ADAMTSL1: variants seen among roughly 807,000 people sequenced by gnomAD.
The protein encoded by ADAMTSL1 is ADAMTS-like protein 1.
Under a neutral mutation model 201.8 loss-of-function variants are expected in ADAMTSL1, and 126 were observed. The ratio of observed to expected loss-of-function variants is 0.62; its 90% CI spans 0.54 to 0.72. The LOEUF (loss-of-function observed/expected upper bound fraction) is 0.72, where lower values mean the gene tolerates loss of function less well. Among genes scored for constraint, ADAMTSL1 ranks in the 30% least tolerant of loss-of-function variants. ADAMTSL1 has a pLI of 0.00. For missense variants in ADAMTSL1, 2,679 were observed against 2,277.8 expected (o/e 1.18, Z -3.59); for synonymous variants, 1,121 against 903.4 (o/e 1.24, Z -4.32).
In ADAMTSL1 at chr9:18,706,910, G is replaced by T; in HGVS notation, c.1738G>T (p.Ala580Ser). ...PKPASQRACY[A>S]GPCSGEIPEF... ...GCCAGCATCCCAGCGTGCCTGTTAT[G>T]CAGGCCCATGCAGCGGGGAAATTCC... Residue 580 changes from alanine to serine, a missense_variant, in exon 14 of 29, where the codon GCA becomes TCA. Transcript: ENST00000380548. 2 of 1,613,994 alleles carry T rather than the reference G, an allele frequency of 1.2e-6. No individual in the cohort carries two copies. Among genetic ancestry groups the T allele is most frequent in the Admixed American group, 1.7e-5 (1 of 60,024 alleles).
At chr9:18,356,688 A>T (rs1477070538) in intron 2 of ADAMTSL1, among the ~76,000 whole-genome samples, 1 of 152,038 alleles carries the variant, frequency 6.6e-6, no homozygotes, top group Non-Finnish European at 1.5e-5. Context: ...AAAATGAATC[A>T]ATAAAATTGA....
intron 2 of ADAMTSL1, among the ~76,000 whole-genome samples, chr9:18,365,269 T>A (rs1231752858): frequency 6.6e-6 from 1 of 152,182 alleles, no homozygotes; most frequent in Non-Finnish European, 1.5e-5. Flanking sequence ...CTTATCGACA[T>A]CATCAAAAAC....
At chr9:18,667,760 C>T (rs1829544574) in intron 9 of ADAMTSL1, among the ~76,000 whole-genome samples, 1 of 151,994 alleles carries the variant, frequency 6.6e-6, no homozygotes, top group Admixed American at 6.6e-5. Context: ...GCTTTCTCAT[C>T]CATGAAAGGA....
At position 18,082,818 on chromosome 9, in the gene ADAMTSL1, A is replaced by G. The variant is rs76106575; in HGVS notation, c.88-81044A>G. ...AAGAAGTAGAGAGTTTAAGGGACTA[A>G]GAAAAAATGCCTGGCCTCCAGTACC... On this transcript the variant is annotated intron_variant, in intron 1 of 29. Transcript: ENST00000680146. Among the ~76,000 whole-genome samples, 1,340 of 152,340 alleles carry G rather than the reference A, an allele frequency of 8.8e-3. 28 individuals are homozygous for G. The highest frequency in any genetic ancestry group is 0.03 in the African/African-American group (1,262 of 41,572).
At chr9:18,362,183 G>C (rs929788713) in intron 2 of ADAMTSL1, 2 of 152,198 alleles carry the variant, frequency 1.3e-5, no homozygotes, top group African/African-American at 2.4e-5. Context: ...ACTGGAACAG[G>C]TGAGTTAAGA....
intron 2 of ADAMTSL1, among the ~76,000 whole-genome samples, chr9:18,226,567 G>C (rs536517675): frequency 6.6e-6 from 1 of 152,026 alleles, no homozygotes; most frequent in African/African-American, 2.4e-5. Context: ...AGATATTTCA[G>C]TTTCATTCTT....
At chr9:17,991,182 C>T (rs543652191) in intron 1 of ADAMTSL1, among the ~76,000 whole-genome samples, 1 of 152,068 alleles carries the variant, frequency 6.6e-6, no homozygotes, top group Non-Finnish European at 1.5e-5. Context: ...ATTTTGACCT[C>T]TACTTAAAAT....
intron 1 of ADAMTSL1, among the ~76,000 whole-genome samples, chr9:17,957,082 C>T (rs1054905700): frequency 6.6e-6 from 1 of 151,988 alleles, no homozygotes; most frequent in African/African-American, 2.4e-5. Context: ...GAATTAGAAA[C>T]GCTCCGGTAT....
chr9:18,025,685 T>A (rs1195916097), intron 1 of ADAMTSL1, among the ~76,000 whole-genome samples: 1 of 152,280 alleles, frequency 6.6e-6, no homozygotes, highest in South Asian at 2.1e-4. Flanking sequence ...TCATGTAATG[T>A]GATGCCTCTA....
At chr9:18,437,204 C>T (rs1369141654) in intron 2 of ADAMTSL1, among the ~76,000 whole-genome samples, 1 of 152,094 alleles carries the variant, frequency 6.6e-6, no homozygotes, top group Non-Finnish European at 1.5e-5. Context: ...ATCTTCATTT[C>T]CCAACTTCCT....
At chr9:18,566,945 G>C (rs967733932) in intron 3 of ADAMTSL1, among the ~76,000 whole-genome samples, 1 of 152,150 alleles carries the variant, frequency 6.6e-6, no homozygotes, top group Non-Finnish European at 1.5e-5. Context: ...TGATGGATTG[G>C]ATATGGAAGT....
At chr9:18,418,899 C>T (rs903075967) in intron 2 of ADAMTSL1, among the ~76,000 whole-genome samples, 3 of 152,122 alleles carry the variant, frequency 2.0e-5, no homozygotes, top group East Asian at 3.9e-4. Context: ...TTGGAAAAGA[C>T]ATAAAGTTGG....
intron 8 of ADAMTSL1, among the ~76,000 whole-genome samples, chr9:18,661,437 C>A (rs1829086730): frequency 6.6e-6 from 1 of 152,174 alleles, no homozygotes; most frequent in African/African-American, 2.4e-5. Context: ...TGTTCCCAGG[C>A]ATCTGGTGGA....
chr9:18,429,487 G>T (rs940043857), intron 2 of ADAMTSL1, among the ~76,000 whole-genome samples: 4 of 152,194 alleles, frequency 2.6e-5, no homozygotes, highest in African/African-American at 9.6e-5. Context: ...ATAAGTGACG[G>T]TTTCTAAACC....
chr9:18,117,889 C>A (rs926669764), intron 1 of ADAMTSL1, among the ~76,000 whole-genome samples: 2 of 152,132 alleles, frequency 1.3e-5, no homozygotes, highest in Non-Finnish European at 2.9e-5. Context: ...TCTTGGCTAG[C>A]CACATGAGGG....
chr9:18,373,937 T>A (rs1395895124), intron 2 of ADAMTSL1, among the ~76,000 whole-genome samples: 3 of 152,174 alleles, frequency 2.0e-5, no homozygotes, highest in African/African-American at 7.2e-5. Flanking sequence ...CTGAAAGGGA[T>A]GATAGTAGCC....
At chr9:18,150,215 G>C (rs1173338912) in intron 1 of ADAMTSL1, among the ~76,000 whole-genome samples, 5 of 152,074 alleles carry the variant, frequency 3.3e-5, no homozygotes, top group Admixed American at 3.3e-4. Flanking sequence ...GGTAGAATAA[G>C]ATAGTAGTGG....
chr9:18,547,891 A>T (rs552482498), intron 3 of ADAMTSL1, among the ~76,000 whole-genome samples: 3 of 152,076 alleles, frequency 2.0e-5, no homozygotes, highest in Admixed American at 2.0e-4. Flanking sequence ...AACCATTGGA[A>T]CAGACAAAGA....
At chr9:18,848,592 T>C (rs1033121679) in intron 23 of ADAMTSL1, among the ~76,000 whole-genome samples, 1 of 152,096 alleles carries the variant, frequency 6.6e-6, no homozygotes, top group African/African-American at 2.4e-5. Context: ...ATCCTAAAGA[T>C]TTTCAAGGCA....
Sources: gnomAD v4.1 joint callset for allele counts (sites outside exome capture counted in the v4.1 genomes callset) on GRCh38, gnomAD v4.1.1 for gene constraint, MANE v1.5 for transcripts, NCBI Gene and HGNC (gene_info 2026-07-23, HGNC 2026-07-21) for gene names.